The following CLIC6 variants were observed in gnomAD, a reference collection of about 807,000 sequenced individuals.
The protein encoded by CLIC6 is CLIC family member 6.
A neutral mutation model predicts 49.2 loss-of-function variants in CLIC6; 39 were observed. That is an observed-to-expected ratio of 0.79 (90% CI 0.61 to 1.04). The LOEUF is 1.04. Among genes scored for constraint, CLIC6 ranks in the 50% least tolerant of loss-of-function variants. CLIC6 has a pLI of 0.00. For missense variants in CLIC6, 988 were observed against 993.1 expected (o/e 0.99, Z 0.07); for synonymous variants, 446 against 433.4 (o/e 1.03, Z -0.36).
chr21:34,714,934 A>G (rs1344908041), intron 5 of CLIC6, among the ~76,000 whole-genome samples: 1 of 152,262 alleles, frequency 6.6e-6, no homozygotes, highest in Non-Finnish European at 1.5e-5. Context: ...AACCAGGTAC[A>G]TACAAACAAA....
In CLIC6 at chr21:34,700,442, G is replaced by A. The variant is rs1170524583; in HGVS notation, c.1375-6838G>A. Among the ~76,000 whole-genome samples, 4 of 96,158 alleles carry A rather than the reference G, an allele frequency of 4.2e-5. 1 individual carries two copies. Among genetic ancestry groups the A allele is most frequent in the Non-Finnish European group, 8.0e-5 (4 of 50,218 alleles). 63.1% of individuals were successfully genotyped at this position (96,158 alleles called of 152,430 possible). ...AGCCTGGGCGACAGAGCGAGACTCC[G>A]TCTCAAAAAAAAAAAAAAAAGAAAA... On this transcript the variant is annotated intron_variant, in intron 1 of 5. Coordinates refer to ENST00000349499, the MANE Select transcript of CLIC6 (RefSeq NM_053277.3).
intron 5 of CLIC6, among the ~76,000 whole-genome samples, chr21:34,713,994 G>A (rs2056072096): frequency 6.6e-6 from 1 of 152,190 alleles, no homozygotes; most frequent in South Asian, 2.1e-4. Flanking sequence ...TCAGAAAATT[G>A]TGGTTTAACA....
chr21:34,683,696 T>G (rs962532235), intron 1 of CLIC6, among the ~76,000 whole-genome samples: 1 of 152,146 alleles, frequency 6.6e-6, no homozygotes, highest in Non-Finnish European at 1.5e-5. Context: ...GGTTTAAAAG[T>G]GTGGCACTCT....
chr21:34,698,793 A>C (rs933962490), intron 1 of CLIC6, among the ~76,000 whole-genome samples: 5 of 152,212 alleles, frequency 3.3e-5, no homozygotes, highest in Admixed American at 3.3e-4. Context: ...TTCCAGCAGA[A>C]TGACCTAAGG....
At chr21:34,673,950 G>A (rs974632002) in intron 1 of CLIC6, among the ~76,000 whole-genome samples, 1 of 152,186 alleles carries the variant, frequency 6.6e-6, no homozygotes, top group African/African-American at 2.4e-5. Flanking sequence ...CGTCTTCATG[G>A]TGGGTTTTGT....
chr21:34,690,805 GC>G lies in CLIC6; in HGVS notation c.1375-16470del, dbSNP rs376841924. ...TAGTGAATCCTGAAATAGTGTGGGT[GC>G]CCCCTCCTTTTCTTTTCCCCAGGGT... On this transcript the variant is annotated intron_variant, in intron 1 of 5. Coordinates refer to ENST00000349499, the MANE Select transcript of CLIC6 (RefSeq NM_053277.3). Among the ~76,000 whole-genome samples, 83 of 135,792 alleles carry G rather than the reference GC, an allele frequency of 6.1e-4. No individual in the cohort carries two copies. In the South Asian group the frequency reaches 0.011, roughly 17 times the overall value. 89.1% of individuals were successfully genotyped at this position (135,792 alleles called of 152,430 possible).
chr21:34,691,850 G>C (rs1282106261), intron 1 of CLIC6, among the ~76,000 whole-genome samples: 1 of 152,170 alleles, frequency 6.6e-6, no homozygotes, highest in African/African-American at 2.4e-5. Flanking sequence ...GGTGGCTCTT[G>C]TTCTTTTTGC....
In CLIC6 at chr21:34,716,862, T is replaced by TCACACACACA. The variant is rs10541127; in HGVS notation, c.*409_*418dup. On this transcript the variant is annotated 3_prime_UTR_variant, in exon 6 of 6. Coordinates refer to ENST00000349499, the MANE Select transcript of CLIC6 (RefSeq NM_053277.3). Reference sequence around the variant, plus strand: ...CTCTCTCTCTCTCTCTCTCTCTCTATCACACACACACACACACACACACAC... The same window carrying TCACACACACA: ...CTCTCTCTCTCTCTCTCTCTCTCTATCACACACACACACACACACACACACACACACACAC... 0.019 allele frequency: 2,540 copies of TCACACACACA among 131,650 alleles called. 69 individuals are homozygous for TCACACACACA. Among genetic ancestry groups the TCACACACACA allele is most frequent in the African/African-American group, 0.062 (1,924 of 31,234 alleles). 8.2% of individuals were successfully genotyped at this position (131,650 alleles called of 1,614,324 possible).
rs912132988 is a variant in CLIC6 at position 34,669,746 on chromosome 21, G to C, written c.358G>C (p.Glu120Gln). The C allele has an allele frequency of 1.4e-6, 2 of 1,393,078 alleles. No individual in the cohort carries two copies. Among genetic ancestry groups the C allele is most frequent in the Non-Finnish European group, 1.8e-6 (2 of 1,084,322 alleles). 86.3% of individuals were successfully genotyped at this position (1,393,078 alleles called of 1,614,324 possible). A position where few individuals can be genotyped will look rare whatever the true frequency, so the allele number is the denominator to read the frequency against. The change falls in exon 1 of 6, where the codon GAG becomes CAG. Residue 120 changes from glutamate to glutamine, a missense_variant. By Grantham distance (29) the Glu-to-Gln change is conservative (BLOSUM62 2). This residue lies in a region of CLIC6 where 284 missense variants were observed against 278.6 expected (regional missense o/e 1.02). Transcript: ENST00000349499. ...GASPGRGAQG[E>Q]PRGEAQREPE... ...GAGCCCGGGACGCGGCGCGCAGGGCGAGCCCCGCGGGGAGGCTCAGAGGGA... is the reference window on the plus strand; with the variant it reads ...GAGCCCGGGACGCGGCGCGCAGGGCCAGCCCCGCGGGGAGGCTCAGAGGGA...
At position 34,703,267 on chromosome 21, in the gene CLIC6, G is replaced by A. The variant is rs539678296; in HGVS notation, c.1375-4013G>A. ...TTGTTTTTCATTATATTTGGGCAGA[G>A]TAGAGAAAAGTGCTTACTTGATGGA... On this transcript the variant is annotated intron_variant, in intron 1 of 5. Coordinates refer to ENST00000349499, the MANE Select transcript of CLIC6 (RefSeq NM_053277.3). Among the ~76,000 whole-genome samples the A allele has an allele frequency of 1.3e-3, 201 of 152,300 alleles. 1 individual carries two copies. The highest frequency in any genetic ancestry group is 2.5e-3 in the Non-Finnish European group (167 of 68,032).
In CLIC6 at chr21:34,670,216, G is replaced by C. The variant is rs1989523068; in HGVS notation, c.828G>C (p.Ala276=). 7.1e-7 allele frequency: 1 copy of C among 1,413,174 alleles called. No individual in the cohort carries two copies. Among genetic ancestry groups the C allele is most frequent in the Admixed American group, 3.0e-5 (1 of 32,978 alleles). 87.5% of individuals were successfully genotyped at this position (1,413,174 alleles called of 1,614,324 possible). A position where few individuals can be genotyped will look rare whatever the true frequency, so the allele number is the denominator to read the frequency against. The change falls in exon 1 of 6, where the codon GCG becomes GCC. Residue 276 remains alanine, a synonymous_variant. Coordinates refer to ENST00000349499, the MANE Select transcript of CLIC6 (RefSeq NM_053277.3). ...ACAGCGTAGAAGCCGAAGGCCCGGC[G>C]GGGGACAGCATGGACGCCGAGGGTC... is the stretch of plus-strand genomic sequence containing the variant. ...AGDSVEAEGP[A]GDSMDAEGPA... is the part of the protein sequence containing the mutation.
intron 1 of CLIC6, among the ~76,000 whole-genome samples, chr21:34,672,038 C>T (rs191676333): frequency 2.6e-5 from 4 of 152,092 alleles, no homozygotes; most frequent in African/African-American, 7.2e-5. Flanking sequence ...AGAAATTTCC[C>T]GTTGCTGTGG....
chr21:34,670,703 G>C lies in CLIC6; in HGVS notation c.1315G>C (p.Gly439Arg). The change falls in exon 1 of 6, where the codon GGA becomes CGA. Residue 439 changes from glycine (G) to arginine (R), a missense_variant. Physicochemically the swap from Gly to Arg is moderately radical, Grantham distance 125 (BLOSUM62 -2). Transcript: ENST00000349499. ...GCGCGTGAACGGCCGCCGGGAGGAC[G>C]GAGAGGCGTCCGAGCCCCGGGCCCT... ...AARVNGRREDGEASEPRALGQ... is the reference protein window; with the variant it reads ...AARVNGRREDREASEPRALGQ... 1.3e-6 allele frequency: 2 copies of C among 1,592,164 alleles called. No individual in the cohort carries two copies. Among genetic ancestry groups the C allele is most frequent in the Non-Finnish European group, 1.7e-6 (2 of 1,173,476 alleles).
At chr21:34,701,562 C>T (rs1416599667) in intron 1 of CLIC6, among the ~76,000 whole-genome samples, 1 of 152,040 alleles carries the variant, frequency 6.6e-6, no homozygotes, top group Non-Finnish European at 1.5e-5. Flanking sequence ...GCATGTATCC[C>T]TATTTTTTTA....
chr21:34,707,157 A>G, intron 1 of CLIC6, 123 bp from the exon 2 acceptor site: 1 of 766,666 alleles, frequency 1.3e-6, no homozygotes, highest in East Asian at 2.6e-5. Flanking sequence ...TGGCCTCAGG[A>G]GGATATTCGC....
At chr21:34,696,913 G>A (rs1222710909) in intron 1 of CLIC6, among the ~76,000 whole-genome samples, 1 of 152,024 alleles carries the variant, frequency 6.6e-6, no homozygotes, top group Non-Finnish European at 1.5e-5. Flanking sequence ...AATCGATACT[G>A]ATCTTTTGAT....
At chr21:34,678,532 A>G (rs560223876) in intron 1 of CLIC6, among the ~76,000 whole-genome samples, 14 of 152,246 alleles carry the variant, frequency 9.2e-5, no homozygotes, top group African/African-American at 3.1e-4. Flanking sequence ...TTGGAGTTCG[A>G]TTTAGAAGGA....
At position 34,716,661 on chromosome 21, in the gene CLIC6, T is replaced by G. The variant is rs1404922168; in HGVS notation, c.*179T>G. 2.1e-6 allele frequency: 1 copy of G among 466,832 alleles called. No individual in the cohort carries two copies. Among genetic ancestry groups the G allele is most frequent in the African/African-American group, 2.0e-5 (1 of 49,730 alleles). 28.9% of individuals were successfully genotyped at this position (466,832 alleles called of 1,614,324 possible). A position where few individuals can be genotyped will look rare whatever the true frequency, so the allele number is the denominator to read the frequency against. On this transcript the variant is annotated 3_prime_UTR_variant, in exon 6 of 6. Coordinates refer to ENST00000349499, the MANE Select transcript of CLIC6 (RefSeq NM_053277.3). Reference sequence around the variant, plus strand: ...CTCTAAAACATTAGTTTAATTTTCTTCAAAATGAAAATACTGCTTTGTAAT... The same window carrying G: ...CTCTAAAACATTAGTTTAATTTTCTGCAAAATGAAAATACTGCTTTGTAAT...
At chr21:34,685,326 G>A (rs996329172) in intron 1 of CLIC6, among the ~76,000 whole-genome samples, 1 of 152,186 alleles carries the variant, frequency 6.6e-6, no homozygotes, top group Non-Finnish European at 1.5e-5. Context: ...GGGGTCCTTA[G>A]GGTGAAGGCC....
Sources: gnomAD v4.1 joint callset for allele counts (sites outside exome capture counted in the v4.1 genomes callset) on GRCh38, gnomAD v4.1.1 for gene constraint, gnomAD v4.1.1 regional missense constraint, MANE v1.5 for transcripts, NCBI Gene and HGNC (gene_info 2026-07-23, HGNC 2026-07-21) for gene names.